IRF5: variants seen among roughly 807,000 people sequenced by gnomAD.
The protein encoded by IRF5 is interferon regulatory factor 5.
IRF5 carries 24 observed loss-of-function variants against 55.1 expected under a neutral mutation model. The observed-to-expected ratio is 0.44, with a 90% CI of 0.32 to 0.61. The LOEUF is 0.61. IRF5 is among the 20% of genes least tolerant of loss of function. IRF5 has a pLI of 0.07. For missense variants in IRF5, 499 were observed against 658.5 expected, an observed-to-expected ratio of 0.76 and a Z score of 2.65; for synonymous variants, 258 against 260.2, an observed-to-expected ratio of 0.99 and a Z score of 0.08.
rs367670808 is a variant in IRF5, at chr7:128,946,438, G to A, written c.386-63G>A. ...AGGAGCTACAGGCAGCCTCTCAGGG[G>A]ATCTTGCTTCTCCTCCGACATTGAC... On this transcript the variant is annotated intron_variant, in intron 3 of 8. Coordinates refer to ENST00000357234, the MANE Select transcript of IRF5 (RefSeq NM_001098629.3). The surrounding 1 kb of genome is among the most constrained non-coding windows in gnomAD (Gnocchi z 4.2). 101 of 1,553,380 alleles carry A rather than the reference G, an allele frequency of 6.5e-5. No homozygotes were observed. Among genetic ancestry groups the A allele is most frequent in the Non-Finnish European group, 8.4e-5 (96 of 1,146,970 alleles).
intron 2 of IRF5, 64 bp downstream of exon 2, chr7:128,942,340 C>A: frequency 6.9e-7 from 1 of 1,449,120 alleles, no homozygotes. Context: ...GAGGAGCGCA[C>A]ATAACGCACA....
At chr7:128,938,493 G>A (rs528165961) in intron 1 of IRF5, among the ~76,000 whole-genome samples, 11 of 152,322 alleles carry the variant, frequency 7.2e-5, no homozygotes, top group Non-Finnish European at 1.3e-4. Context: ...CCTTACTTTC[G>A]ATGCACTCGC....
chr7:128,948,606 A>G lies in IRF5; in HGVS notation c.1333A>G (p.Met445Val), dbSNP rs547434560. ...TGTAGCAGCTCGACTGCTGCTGGAG[A>G]TGTTCTCAGGGGAGCTATCTTGGTC... ...VPVAARLLLEMFSGELSWSAD... is the reference protein window; with the variant it reads ...VPVAARLLLEVFSGELSWSAD... Residue 445 changes from methionine (M) to valine (V), a missense_variant, in exon 9 of 9, where the codon ATG becomes GTG. This residue lies in a region of IRF5 where 194 missense variants were observed against 318.3 expected (regional missense o/e 0.61). Transcript: ENST00000357234. This position sits in a 1 kb window ranked among gnomAD's most constrained non-coding sequence, Gnocchi z 4.6. 1.9e-6 allele frequency: 3 copies of G among 1,614,028 alleles called. No individual in the cohort carries two copies. The South Asian group carries it at 3.3e-5, about 18-fold the overall frequency.
Position 128,948,702 on chromosome 7 carries a change from C to G in IRF5, c.1429C>G (p.Leu477Val). 2 of 1,614,150 alleles carry G rather than the reference C, an allele frequency of 1.2e-6. No individual in the cohort carries two copies. The highest frequency in any genetic ancestry group is 8.5e-7 in the Non-Finnish European group (1 of 1,180,048). ...CCGCATGGTGGAGCAATTCAAGGAG[C>G]TCCATCACATCTGGCAGTCCCAGCA... ...KDRMVEQFKE[L>V]HHIWQSQQRL... The change falls in exon 9 of 9, where the codon CTC becomes GTC. Residue 477 changes from leucine to valine, a missense_variant. Physicochemically the swap from Leu to Val is conservative, Grantham distance 32 (BLOSUM62 1). Around this residue, in one of 2 missense-constraint regions of IRF5, gnomAD observed 194 missense variants for 318.3 expected, o/e 0.61. Coordinates refer to ENST00000357234, the MANE Select transcript of IRF5 (RefSeq NM_001098629.3). The surrounding 1 kb of genome is among the most constrained non-coding windows in gnomAD (Gnocchi z 4.6).
rs1219791028 is a variant in IRF5, at chr7:128,946,896, C to CT, written c.448-126dup. 25 of 1,196,788 alleles carry CT rather than the reference C, an allele frequency of 2.1e-5. No individual in the cohort carries two copies. The highest frequency in any genetic ancestry group is 1.3e-4 in the Admixed American group (7 of 54,610). The allele number at this position is 1,196,788 out of a possible 1,614,324, so 74.1% of individuals were successfully genotyped here. On this transcript the variant is annotated intron_variant, in intron 4 of 8. Transcript: ENST00000357234. This position sits in a 1 kb window ranked among gnomAD's most constrained non-coding sequence, Gnocchi z 4.2. ...GACCGGAGGCAGGGTCTTGCCTGAG[C>CT]TAAACTGAGGCTAGGGGAGTTGCCT...
rs117420760 is a variant in IRF5, at chr7:128,946,683, G to A, written c.447+121G>A. ...CGTGGCCCTCTCAATAGTTCTCCTT[G>A]TTTCTTCTCCTGGGATTCTGAACGA... On this transcript the variant is annotated intron_variant, in intron 4 of 8. Transcript: ENST00000357234. The surrounding 1 kb of genome is among the most constrained non-coding windows in gnomAD (Gnocchi z 4.2). The A allele has an allele frequency of 8.9e-3, 6,294 of 703,796 alleles. 49 individuals carry two copies. The highest frequency in any genetic ancestry group is 0.011 in the Non-Finnish European group (4,508 of 403,330). The allele number at this position is 703,796 out of a possible 1,614,324, so 43.6% of individuals were successfully genotyped here.
rs1253388006 is a variant in IRF5 at position 128,949,596 on chromosome 7, GCT to G, written c.*779_*780del. The G allele has an allele frequency of 3.3e-5, 5 of 152,218 alleles. No homozygotes were observed. The highest frequency in any genetic ancestry group is 5.9e-5 in the Non-Finnish European group (4 of 68,064). The allele number at this position is 152,218 out of a possible 1,614,324, so 9.4% of individuals were successfully genotyped here. On this transcript the variant is annotated 3_prime_UTR_variant, in exon 9 of 9. Transcript: ENST00000357234. ...GGCTTTGCCTTCCAGGAGGAAGCTG[GCT>G]GAAGCAAGGGTGTGGAATTTTAAAT...
rs943756715 is a variant in IRF5, at chr7:128,946,528, T to A, written c.413T>A (p.Phe138Tyr). The change falls in exon 4 of 9, where the codon TTT becomes TAT. Residue 138 changes from phenylalanine (F) to tyrosine (Y), a missense_variant. Coordinates refer to ENST00000357234, the MANE Select transcript of IRF5 (RefSeq NM_001098629.3). The surrounding 1 kb of genome is among the most constrained non-coding windows in gnomAD (Gnocchi z 4.2). ...TDSQPPEDYSFGAGEEEEEEE... is the reference protein window; with the variant it reads ...TDSQPPEDYSYGAGEEEEEEE... ...TCCCAGCCCCCTGAGGATTACTCTT[T>A]TGGTGCAGGAGAGGAGGAGGAAGAA... 1.2e-5 allele frequency: 19 copies of A among 1,608,084 alleles called. No individual in the cohort carries two copies. The highest frequency in any genetic ancestry group is 1.7e-5 in the Admixed American group (1 of 59,092).
At chr7:128,942,646 T>C (rs1466487079) in intron 2 of IRF5, among the ~76,000 whole-genome samples, 1 of 151,894 alleles carries the variant, frequency 6.6e-6, no homozygotes, top group Admixed American at 6.6e-5. Context: ...ACCTGCACCC[T>C]AGAGCATCGT....
At chr7:128,941,922 G>A (rs1796044394) in intron 1 of IRF5, 149 bp from the exon 2 acceptor site, 8 of 568,402 alleles carry the variant, frequency 1.4e-5, no homozygotes, top group Non-Finnish European at 2.4e-5. Flanking sequence ...CACTAGACAA[G>A]AAAGCTGATG....
chr7:128,948,198 AT>A lies in IRF5; in HGVS notation c.1181-8del. 1 of 1,612,076 alleles carries A rather than the reference AT, an allele frequency of 6.2e-7. No individual in the cohort carries two copies. Among genetic ancestry groups the A allele is most frequent in the Non-Finnish European group, 8.5e-7 (1 of 1,178,876 alleles). ...TTCCAGCCTCTGACTAGGGACCTTG[AT>A]TTTGATGCAGAGCTCATCCTGTTCC... On this transcript the variant is annotated splice_polypyrimidine_tract_variant and intron_variant, in intron 7 of 8. Transcript: ENST00000357234. This position sits in a 1 kb window ranked among gnomAD's most constrained non-coding sequence, Gnocchi z 4.6.
chr7:128,948,422 T>C lies in IRF5; in HGVS notation c.1299+94T>C, dbSNP rs1796447205. 6 of 1,458,830 alleles carry C rather than the reference T, an allele frequency of 4.1e-6. No individual in the cohort carries two copies. Among genetic ancestry groups the C allele is most frequent in the Non-Finnish European group, 5.6e-6 (6 of 1,067,646 alleles). 90.4% of individuals were successfully genotyped at this position (1,458,830 alleles called of 1,614,324 possible). ...CCCAGGCTGGAGGCTCAGGGCTCCC[T>C]GAGCAGTGTGAACTTGGCGGCCAGA... On this transcript the variant is annotated intron_variant, in intron 8 of 8. Coordinates refer to ENST00000357234, the MANE Select transcript of IRF5 (RefSeq NM_001098629.3). The surrounding 1 kb of genome is among the most constrained non-coding windows in gnomAD (Gnocchi z 4.6).
Position 128,942,264 on chromosome 7 carries a change from C to T in IRF5, c.183C>T (p.Asn61=). The change falls in exon 2 of 9, where the codon AAC becomes AAT. Residue 61 remains asparagine, a synonymous_variant. Transcript: ENST00000357234. ...ATGGTCCCAGCCAGGACGGAGATAA[C>T]ACCATCTTCAAGGTAAGCCCCGGGG... ...TRHGPSQDGD[N]TIFKAWAKET... 1 of 1,612,222 alleles carries T rather than the reference C, an allele frequency of 6.2e-7. No individual in the cohort carries two copies. The highest frequency in any genetic ancestry group is 8.5e-7 in the Non-Finnish European group (1 of 1,178,948).
intron 2 of IRF5, among the ~76,000 whole-genome samples, chr7:128,944,602 A>G (rs1481568737): frequency 1.3e-5 from 2 of 152,162 alleles, no homozygotes; most frequent in African/African-American, 4.8e-5. Context: ...GCCTTTCCCT[A>G]GAGGCAGCCG....
At position 128,947,405 on chromosome 7, in the gene IRF5, C is replaced by A. The variant is rs1463474463; in HGVS notation, c.657C>A (p.Pro219=). The A allele has an allele frequency of 6.2e-7, 1 of 1,610,768 alleles. No individual in the cohort carries two copies. The highest frequency in any genetic ancestry group is 1.1e-5 in the South Asian group (1 of 90,752). ...PAPDPSPLAP[P]PGNPAGFREL... ...CAGACCCCAGCCCCCTGGCTCCTCCCCCTGGCAACCCTGCTGGCTTCAGGG... is the reference window on the plus strand; with the variant it reads ...CAGACCCCAGCCCCCTGGCTCCTCCACCTGGCAACCCTGCTGGCTTCAGGG... Residue 219 remains proline, a synonymous_variant, in exon 6 of 9, where the codon CCC becomes CCA. Transcript: ENST00000357234. The surrounding 1 kb of genome is among the most constrained non-coding windows in gnomAD (Gnocchi z 6.5).
At position 128,947,872 on chromosome 7, in the gene IRF5, G is replaced by C; in HGVS notation, c.931G>C (p.Glu311Gln). 6.2e-7 allele frequency: 1 copy of C among 1,614,024 alleles called. No homozygotes were observed. Among genetic ancestry groups the C allele is most frequent in the Non-Finnish European group, 8.5e-7 (1 of 1,179,990 alleles). ...GGAACTCTTCGGCCCCATAAGCCTG[G>C]AGCAAGTGCGCTTCCCCAGCCCTGA... ...QVELFGPISL[E>Q]QVRFPSPEDI... The change falls in exon 7 of 9, where the codon GAG (glutamate) becomes CAG (glutamine). Residue 311 changes from glutamate to glutamine, a missense_variant. By Grantham distance (29) the Glu-to-Gln change is conservative. This residue lies in a region of IRF5 where 194 missense variants were observed against 318.3 expected (regional missense o/e 0.61). Transcript: ENST00000357234. The surrounding 1 kb of genome is among the most constrained non-coding windows in gnomAD (Gnocchi z 6.5).
At position 128,947,901 on chromosome 7, in the gene IRF5, C is replaced by T. The variant is rs1796411908; in HGVS notation, c.960C>T (p.Asp320=). 2 of 1,614,144 alleles carry T rather than the reference C, an allele frequency of 1.2e-6. No individual in the cohort carries two copies. The highest frequency in any genetic ancestry group is 1.1e-5 in the South Asian group (1 of 91,086). The change falls in exon 7 of 9, where the codon GAC becomes GAT. Residue 320 remains aspartate, a synonymous_variant. Transcript: ENST00000357234. This position sits in a 1 kb window ranked among gnomAD's most constrained non-coding sequence, Gnocchi z 6.5. Reference sequence around the variant, plus strand: ...AAGTGCGCTTCCCCAGCCCTGAGGACATCCCCAGTGACAAGCAGCGCTTCT... The same window carrying T: ...AAGTGCGCTTCCCCAGCCCTGAGGATATCCCCAGTGACAAGCAGCGCTTCT... The part of the protein sequence containing the change: ...LEQVRFPSPE[D]IPSDKQRFYT...
chr7:128,942,029 C>G, intron 1 of IRF5, 42 bp from the exon 2 acceptor site: 1 of 1,493,990 alleles, frequency 6.7e-7, no homozygotes, highest in African/African-American at 1.4e-5. Context: ...TCCCCATCCA[C>G]CTGCAGACCT....
Position 128,948,076 on chromosome 7 carries a change from C to T in IRF5, c.1135C>T (p.Arg379Trp), listed in dbSNP as rs1796422239. Reference sequence around the variant, plus strand: ...TGACTCATGCCCCAACCCCATCCAGCGGGAGGTCAAGACCAAGCTTTTCAG... The same window carrying T: ...TGACTCATGCCCCAACCCCATCCAGTGGGAGGTCAAGACCAAGCTTTTCAG... Reference protein sequence around the residue: ...AHDSCPNPIQREVKTKLFSLE... With the variant: ...AHDSCPNPIQWEVKTKLFSLE... The change falls in exon 7 of 9, where the codon CGG becomes TGG. Residue 379 changes from arginine to tryptophan, a missense_variant. By Grantham distance (101) the Arg-to-Trp change is moderately radical. This residue lies in a region of IRF5 where 194 missense variants were observed against 318.3 expected (regional missense o/e 0.61). Transcript: ENST00000357234. The surrounding 1 kb of genome is among the most constrained non-coding windows in gnomAD (Gnocchi z 4.6). The T allele has an allele frequency of 1.2e-6, 2 of 1,614,158 alleles. No homozygotes were observed. Among genetic ancestry groups the T allele is most frequent in the Non-Finnish European group, 1.7e-6 (2 of 1,180,018 alleles).
Sources: allele counts gnomAD v4.1 joint callset (sites outside exome capture counted in the v4.1 genomes callset), GRCh38; gene constraint gnomAD v4.1.1; regional missense constraint gnomAD v4.1.1; non-coding constraint Gnocchi (gnomAD v3.1); transcripts MANE v1.5; gene names NCBI Gene and HGNC (gene_info 2026-07-23, HGNC 2026-07-21).